The following EVC variants were observed in gnomAD, a reference collection of about 807,000 sequenced individuals.
The protein encoded by EVC is evC complex member EVC.
A neutral mutation model predicts 118.9 loss-of-function variants in EVC; 116 were observed. That is an observed-to-expected ratio of 0.98 (90% CI 0.84 to 1.14). EVC has a LOEUF of 1.14. EVC is among the 50% of genes most tolerant of loss of function. EVC has a pLI of 0.00. For missense variants in EVC, 1,401 were observed against 1,246.4 expected (o/e 1.12, Z -1.87); for synonymous variants, 619 against 534.7 (o/e 1.16, Z -2.18).
At chr4:5,768,327 G>T (rs1733348502) in intron 11 of EVC, among the ~76,000 whole-genome samples, 1 of 152,090 alleles carries the variant, frequency 6.6e-6, no homozygotes. Context: ...CAGACTGTAG[G>T]GGCAGAGGCA....
At chr4:5,774,456 A>T (rs1318870686) in intron 11 of EVC, among the ~76,000 whole-genome samples, 1 of 151,884 alleles carries the variant, frequency 6.6e-6, no homozygotes, top group African/African-American at 2.4e-5. Flanking sequence ...AATCCTTTCT[A>T]ATCCTCATAA....
At chr4:5,761,878 C>G (rs1447044785) in intron 11 of EVC, among the ~76,000 whole-genome samples, 1 of 151,724 alleles carries the variant, frequency 6.6e-6, no homozygotes, top group East Asian at 1.9e-4. Flanking sequence ...GAAGCCCCAA[C>G]TGTTAATCAG....
intron 8 of EVC, among the ~76,000 whole-genome samples, chr4:5,748,587 TCCATCCATCCATCCAC>T (rs1729776154): frequency 7.8e-6 from 1 of 127,472 alleles, no homozygotes; most frequent in African/African-American, 3.0e-5. Flanking sequence ...CATCCACCCA[TCCATCCATCCATCCAC>T]CCATCCATCC....
chr4:5,828,549 G>T, the EVC span: 1 of 1,614,216 alleles, frequency 6.2e-7, no homozygotes, highest in Non-Finnish European at 8.5e-7. Flanking sequence ...GCGGAATGAA[G>T]CGGCCCATGC....
chr4:5,734,485 A>AAAAC (rs74789594), intron 5 of EVC, among the ~76,000 whole-genome samples: 45 of 152,182 alleles, frequency 3.0e-4, no homozygotes, highest in African/African-American at 1.0e-3. Context: ...ACCAAAAACA[A>AAAAC]AAACAAACAA....
downstream of EVC, among the ~76,000 whole-genome samples, chr4:5,814,738 G>A (rs1484468125): frequency 1.3e-5 from 2 of 151,744 alleles, no homozygotes; most frequent in Non-Finnish European, 2.9e-5. Context: ...TGCTCATGAT[G>A]TGCATTCTTT....
intron 4 of EVC, among the ~76,000 whole-genome samples, chr4:5,732,095 ATGAAGTTGGT>A (rs1726917239): frequency 1.4e-5 from 2 of 141,502 alleles, no homozygotes; most frequent in African/African-American, 4.9e-5. Context: ...TAACACCCCT[ATGAAGTTGGT>A]ACTGTCATTT....
At position 5,798,687 on chromosome 4, in the gene EVC, G is replaced by C; in HGVS notation, c.2199G>C (p.Gly733=). 2 of 1,605,686 alleles carry C rather than the reference G, an allele frequency of 1.2e-6. No individual in the cohort carries two copies. The highest frequency in any genetic ancestry group is 1.7e-6 in the Non-Finnish European group (2 of 1,177,784). ...TCCTGGCCGAGGCCCAGGAGGTGGG[G>C]CAGCTTCTGCAGCAGCACATGGAGT... ...QRLLAEAQEV[G]QLLQQHMECA... Residue 733 remains glycine, a synonymous_variant, in exon 15 of 21, where the codon GGG becomes GGC. Transcript: ENST00000264956. This position sits in a 1 kb window ranked among gnomAD's most constrained non-coding sequence, Gnocchi z 4.1.
chr4:5,724,187 C>T (rs921183081), intron 2 of EVC, among the ~76,000 whole-genome samples: 2 of 152,194 alleles, frequency 1.3e-5, no homozygotes, highest in African/African-American at 2.4e-5. Flanking sequence ...TGGCTGGAGA[C>T]GGCAGACCCT....
At chr4:5,751,275 T>G (rs1730321466) in intron 8 of EVC, among the ~76,000 whole-genome samples, 1 of 152,178 alleles carries the variant, frequency 6.6e-6, no homozygotes, top group South Asian at 2.1e-4. Flanking sequence ...TCAGCCACAC[T>G]CAGAGCACAT....
intron 16 of EVC, among the ~76,000 whole-genome samples, chr4:5,802,757 G>C (rs1242020575): frequency 6.6e-6 from 1 of 152,130 alleles, no homozygotes; most frequent in African/African-American, 2.4e-5. Context: ...GTGGAGCTCG[G>C]GCGGTAATGT....
intron 11 of EVC, among the ~76,000 whole-genome samples, chr4:5,766,368 G>C (rs1346633799): frequency 7.1e-6 from 1 of 141,274 alleles, no homozygotes; most frequent in Non-Finnish European, 1.5e-5. Context: ...TGGTGAATCT[G>C]ACAATTATGT....
chr4:5,802,554 C>A (rs756559342), intron 16 of EVC, among the ~76,000 whole-genome samples: 3 of 149,100 alleles, frequency 2.0e-5, no homozygotes, highest in African/African-American at 4.9e-5. Context: ...ATACAACTCA[C>A]CATAATGTAG....
chr4:5,729,934 G>T (rs1369164377), intron 3 of EVC, among the ~76,000 whole-genome samples: 1 of 152,176 alleles, frequency 6.6e-6, no homozygotes, highest in African/African-American at 2.4e-5. Context: ...CCAACACCTG[G>T]CTATGGTTAC....
At position 5,808,331 on chromosome 4, in the gene EVC, C is replaced by A. The variant is rs764676243; in HGVS notation, c.2688+4C>A. On this transcript the variant is annotated splice_donor_region_variant and intron_variant, in intron 18 of 20. Transcript: ENST00000264956. ...CCAGCTGGAGACCCAGCTACAGGTA[C>A]AAGTTACAGAACTGGACCTTCCAAA... is the stretch of plus-strand genomic sequence containing the variant. The A allele has an allele frequency of 2.5e-6, 4 of 1,614,206 alleles. No homozygotes were observed. In the South Asian group the frequency reaches 4.4e-5, roughly 18 times the overall value.
At chr4:5,741,258 G>T (rs1455220332) in intron 5 of EVC, among the ~76,000 whole-genome samples, 1 of 152,200 alleles carries the variant, frequency 6.6e-6, no homozygotes, top group East Asian at 1.9e-4. Context: ...CCACTTATGG[G>T]AGGGTTCTTC....
intron 11 of EVC, among the ~76,000 whole-genome samples, chr4:5,772,594 C>T (rs1343337988): frequency 6.6e-6 from 1 of 152,116 alleles, no homozygotes; most frequent in Non-Finnish European, 1.5e-5. Context: ...CCACGAGGCC[C>T]ATCCAGCCTG....
At chr4:5,750,623 T>C (rs1436034862) in intron 8 of EVC, among the ~76,000 whole-genome samples, 1 of 152,176 alleles carries the variant, frequency 6.6e-6, no homozygotes, top group African/African-American at 2.4e-5. Context: ...AAATGGGGGC[T>C]ATGATAGCAC....
chr4:5,803,145 A>G lies in EVC; in HGVS notation c.2449+1051A>G, dbSNP rs144104069. On this transcript the variant is annotated intron_variant, in intron 16 of 20. Coordinates refer to ENST00000264956, the MANE Select transcript of EVC (RefSeq NM_153717.3). ...GTAACATACAGATAAGGATGGTTGG[A>G]AGCCAATTTCTTAAATGCCACTTCT... is the stretch of plus-strand genomic sequence containing the variant. 8.1e-3 allele frequency among the ~76,000 whole-genome samples: 1,240 copies of G among 152,288 alleles called. 6 individuals carry two copies. The highest frequency in any genetic ancestry group is 0.013 in the Non-Finnish European group (906 of 68,024).
Sources: gnomAD v4.1 joint callset for allele counts (sites outside exome capture counted in the v4.1 genomes callset) on GRCh38, gnomAD v4.1.1 for gene constraint, Gnocchi (gnomAD v3.1) non-coding constraint, MANE v1.5 for transcripts, NCBI Gene and HGNC (gene_info 2026-07-23, HGNC 2026-07-21) for gene names.